Variants in MTMR7 observed in about 807,000 individuals in gnomAD.
MTMR7 encodes phosphatidylinositol-3-phosphate phosphatase MTMR7.
Under a neutral mutation model 81.2 loss-of-function variants are expected in MTMR7, and 76 were observed. That is an observed-to-expected ratio of 0.94 (90% CI 0.78 to 1.13). The LOEUF (loss-of-function observed/expected upper bound fraction) is 1.13. MTMR7 is among the 50% of genes most tolerant of loss of function. The probability of loss-of-function intolerance (pLI) is 0.00; values close to 1 mark genes in which losing one functional copy is unlikely to be tolerated. For missense variants in MTMR7, 1,044 were observed against 820.0 expected (o/e 1.27, Z -3.34); for synonymous variants, 372 against 289.8 (o/e 1.28, Z -2.88).
chr8:17,319,172 G>T (rs995009091), intron 7 of MTMR7, among the ~76,000 whole-genome samples: 1 of 152,234 alleles, frequency 6.6e-6, no homozygotes, highest in Non-Finnish European at 1.5e-5. Flanking sequence ...AGACACAGCT[G>T]CACTCAAACT....
chr8:17,306,006 G>A (rs375181281), intron 10 of MTMR7, 49 bp from the exon 11 acceptor site: 57 of 1,472,194 alleles, frequency 3.9e-5, no homozygotes, highest in Admixed American at 5.8e-5. Context: ...TATTTTTAAA[G>A]TACAAAGCCA....
chr8:17,352,338 G>T (rs895142661), intron 4 of MTMR7, among the ~76,000 whole-genome samples: 11 of 152,102 alleles, frequency 7.2e-5, no homozygotes, highest in South Asian at 2.1e-4. Context: ...ACTACTCAAT[G>T]GGGTAAGATT....
chr8:17,310,424 A>G (rs28629168), intron 9 of MTMR7, among the ~76,000 whole-genome samples: 2,049 of 152,220 alleles, frequency 0.013, 52 homozygotes, highest in African/African-American at 0.048. Flanking sequence ...GTTCTTGACA[A>G]CTCGAGACAT....
intron 7 of MTMR7, among the ~76,000 whole-genome samples, chr8:17,323,611 G>C (rs931486839): frequency 6.6e-6 from 1 of 152,106 alleles, no homozygotes; most frequent in South Asian, 2.1e-4. Context: ...AGTAACTCAA[G>C]TGGTAAAATG....
chr8:17,351,877 T>G (rs555449557), intron 4 of MTMR7, among the ~76,000 whole-genome samples: 12 of 152,348 alleles, frequency 7.9e-5, no homozygotes, highest in African/African-American at 1.9e-4. Context: ...TTCATCAAAG[T>G]AGACAGCACT....
At chr8:17,405,098 C>G (rs188549330) in intron 1 of MTMR7, among the ~76,000 whole-genome samples, 1 of 152,350 alleles carries the variant, frequency 6.6e-6, no homozygotes, top group East Asian at 1.9e-4. Context: ...ACGATCCGTC[C>G]GCCTTGGCCT....
chr8:17,396,449 T>C (rs893225837), intron 1 of MTMR7, among the ~76,000 whole-genome samples: 2 of 152,138 alleles, frequency 1.3e-5, no homozygotes, highest in African/African-American at 4.8e-5. Flanking sequence ...AAGGAGAGCA[T>C]AGCTACTTGA....
intron 7 of MTMR7, among the ~76,000 whole-genome samples, chr8:17,313,751 T>C (rs1334994891): frequency 2.0e-5 from 3 of 152,286 alleles, no homozygotes; most frequent in Admixed American, 1.3e-4. Flanking sequence ...CTAAGGAATA[T>C]GAATTGGGAG....
rs993227235 is a variant in MTMR7 at position 17,355,613 on chromosome 8, G to C, written c.468+5504C>G. On this transcript the variant is annotated intron_variant, in intron 4 of 13. Coordinates refer to ENST00000180173, the MANE Select transcript of MTMR7 (RefSeq NM_004686.5). Reference sequence around the variant, plus strand: ...TATGCTAAAAGACAAAACATGGTAAGAAAGATTGACAACTCAAAACTTCTG... The same window carrying C: ...TATGCTAAAAGACAAAACATGGTAACAAAGATTGACAACTCAAAACTTCTG... 2.0e-5 allele frequency among the ~76,000 whole-genome samples: 3 copies of C among 151,456 alleles called. No individual in the cohort carries two copies. The East Asian group carries it at 5.8e-4, about 29-fold the overall frequency.
intron 1 of MTMR7, among the ~76,000 whole-genome samples, chr8:17,403,217 G>A (rs1821479228): frequency 6.6e-6 from 1 of 152,082 alleles, no homozygotes; most frequent in South Asian, 2.1e-4. Flanking sequence ...TGCTTTGTTG[G>A]TTGTTTCCTT....
intron 4 of MTMR7, among the ~76,000 whole-genome samples, chr8:17,355,030 C>A (rs1298430724): frequency 6.6e-6 from 1 of 152,136 alleles, no homozygotes; most frequent in Non-Finnish European, 1.5e-5. Flanking sequence ...TCATGTTTTG[C>A]AGGCTGTGCA....
chr8:17,311,731 A>G (rs548738892), intron 8 of MTMR7, 95 bp from the exon 9 acceptor site: 1 of 1,566,618 alleles, frequency 6.4e-7, no homozygotes, highest in South Asian at 1.2e-5. Flanking sequence ...ATTTACAGAA[A>G]GAAACAGCCA....
intron 7 of MTMR7, among the ~76,000 whole-genome samples, chr8:17,320,375 T>C (rs1818320581): frequency 1.3e-5 from 2 of 152,110 alleles, no homozygotes; most frequent in South Asian, 2.1e-4. Context: ...TGATGCATGA[T>C]AGCAAGACGG....
At chr8:17,375,911 T>C (rs1437903394) in intron 1 of MTMR7, among the ~76,000 whole-genome samples, 1 of 152,242 alleles carries the variant, frequency 6.6e-6, no homozygotes, top group Non-Finnish European at 1.5e-5. Context: ...TGTTGAGATA[T>C]AACTCATATA....
chr8:17,338,821 G>A (rs1819326033), intron 6 of MTMR7: 4 of 151,892 alleles, frequency 2.6e-5, no homozygotes, highest in Admixed American at 1.3e-4. Flanking sequence ...CTAGTAGAAT[G>A]TGAATGTGAT....
chr8:17,304,614 T>TA (rs1817331344), intron 11 of MTMR7, 95 bp from the exon 12 acceptor site: 1 of 1,365,806 alleles, frequency 7.3e-7, no homozygotes, highest in Non-Finnish European at 1.0e-6. Context: ...TAATAATTGT[T>TA]ACCTGAAAAC....
intron 1 of MTMR7, among the ~76,000 whole-genome samples, chr8:17,404,067 G>A (rs1489372603): frequency 2.6e-5 from 4 of 151,840 alleles, no homozygotes; most frequent in Non-Finnish European, 4.4e-5. Flanking sequence ...TCTGTGTGAG[G>A]AGACCCACGA....
chr8:17,383,874 G>C (rs560940121), intron 1 of MTMR7, among the ~76,000 whole-genome samples: 1 of 152,204 alleles, frequency 6.6e-6, no homozygotes, highest in Non-Finnish European at 1.5e-5. Context: ...CTGCAGCTTT[G>C]GAGGAACCAT....
At chr8:17,306,300 T>C (rs1439121678) in intron 10 of MTMR7, among the ~76,000 whole-genome samples, 4 of 152,278 alleles carry the variant, frequency 2.6e-5, no homozygotes, top group Middle Eastern at 3.4e-3. Context: ...TTGCACTTTA[T>C]GAGCGGGTGA....
Sources: gnomAD v4.1 joint callset for allele counts (sites outside exome capture counted in the v4.1 genomes callset) on GRCh38, gnomAD v4.1.1 for gene constraint, MANE v1.5 for transcripts, NCBI Gene and HGNC (gene_info 2026-07-23, HGNC 2026-07-21) for gene names.